AMOTL1: variants seen among roughly 807,000 people sequenced by gnomAD.
The protein encoded by AMOTL1 is angiomotin-like protein 1.
Under a neutral mutation model 102.9 loss-of-function variants are expected in AMOTL1, and 45 were observed. The observed-to-expected ratio is 0.44, with a 90% CI of 0.34 to 0.56. AMOTL1 has a LOEUF of 0.56. AMOTL1 is among the 20% of genes least tolerant of loss of function. AMOTL1 has a pLI of 0.01. For synonymous variants in AMOTL1, 481 were observed against 484.7 expected, an observed-to-expected ratio of 0.99 and a Z score of 0.10; for missense variants, 1,114 against 1,225.6, an observed-to-expected ratio of 0.91 and a Z score of 1.36.
chr11:94,867,087 G>A (rs1056729780), intron 11 of AMOTL1, among the ~76,000 whole-genome samples: 16 of 152,262 alleles, frequency 1.1e-4, no homozygotes, highest in African/African-American at 3.9e-4. Flanking sequence ...GTGCAGCTGA[G>A]AGCCAGTGGT....
At chr11:94,855,087 A>T (rs1952633807) in intron 8 of AMOTL1, among the ~76,000 whole-genome samples, 1 of 152,180 alleles carries the variant, frequency 6.6e-6, no homozygotes, top group South Asian at 2.1e-4. Flanking sequence ...GTAGCTGGTG[A>T]AGGGTGTGTT....
At chr11:94,810,496 C>CA (rs5793699) in intron 3 of AMOTL1, among the ~76,000 whole-genome samples, 102,397 of 133,484 alleles carry the variant, frequency 0.77, 39,263 homozygotes, top group East Asian at 0.86. Context: ...TATTTTAGTC[C>CA]AAAAAAAAAA....
intron 3 of AMOTL1, among the ~76,000 whole-genome samples, chr11:94,805,006 G>A (rs1282105951): frequency 1.3e-5 from 2 of 152,184 alleles, no homozygotes; most frequent in African/African-American, 2.4e-5. Flanking sequence ...TAGAGAGGGA[G>A]GTTAACTAAC....
intron 1 of AMOTL1, among the ~76,000 whole-genome samples, chr11:94,781,587 C>T (rs1268787617): frequency 6.6e-6 from 1 of 152,158 alleles, no homozygotes; most frequent in East Asian, 1.9e-4. Flanking sequence ...CCTGTAATCC[C>T]AGCACTTTGG....
intron 7 of AMOTL1, among the ~76,000 whole-genome samples, chr11:94,851,402 C>T (rs538039245): frequency 1.2e-4 from 19 of 152,108 alleles, no homozygotes; most frequent in African/African-American, 4.6e-4. Context: ...CAATATGGGT[C>T]TTTTTTTTAA....
At chr11:94,806,391 A>G (rs1359153990) in intron 3 of AMOTL1, among the ~76,000 whole-genome samples, 1 of 152,214 alleles carries the variant, frequency 6.6e-6, no homozygotes, top group Non-Finnish European at 1.5e-5. Context: ...GGGAGTAAGT[A>G]TGTGTTTCCA....
intron 3 of AMOTL1, among the ~76,000 whole-genome samples, chr11:94,815,290 G>A (rs752037420): frequency 2.6e-5 from 4 of 151,898 alleles, no homozygotes; most frequent in Non-Finnish European, 4.4e-5. Flanking sequence ...TGATAAATAA[G>A]GAATTCAGTA....
chr11:94,804,680 T>C (rs966055514), intron 3 of AMOTL1, among the ~76,000 whole-genome samples: 1 of 152,224 alleles, frequency 6.6e-6, no homozygotes, highest in Non-Finnish European at 1.5e-5. Context: ...TTAGACTTAG[T>C]TGATCTCAAA....
At chr11:94,805,584 G>T (rs952538091) in intron 3 of AMOTL1, among the ~76,000 whole-genome samples, 1 of 152,106 alleles carries the variant, frequency 6.6e-6, no homozygotes, top group Non-Finnish European at 1.5e-5. Context: ...AACACTTAAG[G>T]CTCTGTTTCT....
chr11:94,721,448 C>G (rs968816362), intron 1 of AMOTL1, among the ~76,000 whole-genome samples: 1 of 151,744 alleles, frequency 6.6e-6, no homozygotes, highest in African/African-American at 2.4e-5. Context: ...TATGTTGAAG[C>G]CCTAACCCTT....
chr11:94,785,198 A>T lies in AMOTL1; in HGVS notation c.50-9813A>T, dbSNP rs534160957. ...GACCTTTCCCCTTTATCCACAAGTT[A>T]AGAATATTTCATTACAACTCTCCTA... On this transcript the variant is annotated intron_variant, in intron 1 of 12. Transcript: ENST00000433060. 2.0e-5 allele frequency among the ~76,000 whole-genome samples: 3 copies of T among 152,352 alleles called. No individual in the cohort carries two copies. In the South Asian group the frequency reaches 6.2e-4, roughly 32 times the overall value.
At chr11:94,715,163 C>G (rs903134182) in intron 1 of AMOTL1, among the ~76,000 whole-genome samples, 189 of 152,074 alleles carry the variant, frequency 1.2e-3, no homozygotes, top group Non-Finnish European at 2.5e-3. Context: ...TTCCATGTGC[C>G]TAAAGGTTTT....
At chr11:94,821,880 TTGA>T in intron 4 of AMOTL1, 59 bp downstream of exon 4, 1 of 1,579,926 alleles carries the variant, frequency 6.3e-7, no homozygotes, top group South Asian at 1.2e-5. Flanking sequence ...TCATGGGGAG[TTGA>T]TGCACTGACT....
At chr11:94,749,090 A>G (rs551220245) in intron 3 of AMOTL1, among the ~76,000 whole-genome samples, 84 of 152,210 alleles carry the variant, frequency 5.5e-4, no homozygotes, top group Non-Finnish European at 9.6e-4. Flanking sequence ...ATGGAGGGTG[A>G]GAAGTCCCGT....
At chr11:94,708,235 T>C (rs112723220) in intron 1 of AMOTL1, among the ~76,000 whole-genome samples, 27 of 152,304 alleles carry the variant, frequency 1.8e-4, no homozygotes, top group African/African-American at 6.3e-4. Flanking sequence ...TCTAAGGACA[T>C]TTTTACCAGA....
chr11:94,863,419 AC>A (rs1171728055), intron 9 of AMOTL1, among the ~76,000 whole-genome samples: 2 of 152,054 alleles, frequency 1.3e-5, no homozygotes, highest in East Asian at 3.9e-4. Flanking sequence ...GTGGTGAAAC[AC>A]CATTTCTACT....
intron 1 of AMOTL1, among the ~76,000 whole-genome samples, chr11:94,792,792 C>G (rs1951307022): frequency 6.6e-6 from 1 of 152,146 alleles, no homozygotes; most frequent in African/African-American, 2.4e-5. Context: ...TTAGTTCTTT[C>G]ATGACACTGA....
intron 3 of AMOTL1, among the ~76,000 whole-genome samples, chr11:94,813,335 C>G (rs1016838999): frequency 6.6e-6 from 1 of 152,316 alleles, no homozygotes; most frequent in African/African-American, 2.4e-5. Flanking sequence ...TAACTGAACT[C>G]AAGACACTCC....
At chr11:94,723,728 C>T (rs1013350221) in intron 1 of AMOTL1, among the ~76,000 whole-genome samples, 9 of 152,102 alleles carry the variant, frequency 5.9e-5, no homozygotes, top group African/African-American at 1.9e-4. Flanking sequence ...GTCTATCCCT[C>T]TAGCATTTCA....
Sources: allele counts gnomAD v4.1 joint callset (sites outside exome capture counted in the v4.1 genomes callset), GRCh38; gene constraint gnomAD v4.1.1; transcripts MANE v1.5; gene names NCBI Gene and HGNC (gene_info 2026-07-23, HGNC 2026-07-21).